The following HOMER2 variants were observed in gnomAD, a reference collection of about 807,000 sequenced individuals.
HOMER2 encodes the protein homer protein homolog 2.
A neutral mutation model predicts 47.0 loss-of-function variants in HOMER2; 27 were observed. That is an observed-to-expected ratio of 0.57 (90% CI 0.42 to 0.79). The LOEUF (loss-of-function observed/expected upper bound fraction) is 0.79. Ranked by LOEUF, HOMER2 falls within the 30% of genes least tolerant of loss-of-function variation. The probability of loss-of-function intolerance (pLI) is 0.00; values close to 1 mark genes in which losing one functional copy is unlikely to be tolerated. For missense variants in HOMER2, 443 were observed against 435.0 expected (o/e 1.02, Z -0.16); for synonymous variants, 161 against 163.8 (o/e 0.98, Z 0.13).
intron 5 of HOMER2, among the ~76,000 whole-genome samples, chr15:82,855,422 A>C (rs2051551730): frequency 6.6e-6 from 1 of 151,202 alleles, no homozygotes; most frequent in South Asian, 2.1e-4. Context: ...GGCCCATCCC[A>C]TCCTCCTTAC....
At chr15:82,925,889 A>C (rs2053842919) in intron 1 of HOMER2, 1 of 148,542 alleles carries the variant, frequency 6.7e-6, no homozygotes, top group Admixed American at 6.7e-5. Flanking sequence ...CCCCCATGAT[A>C]CTCCCCCTCA....
chr15:82,857,336 G>C (rs1015642978), intron 5 of HOMER2, among the ~76,000 whole-genome samples: 6 of 150,170 alleles, frequency 4.0e-5, no homozygotes, highest in African/African-American at 1.5e-4. Context: ...AGAACTGTGA[G>C]AAGTAAAGGT....
chr15:82,945,897 G>C (rs2054368593), intron 1 of HOMER2, among the ~76,000 whole-genome samples: 1 of 151,988 alleles, frequency 6.6e-6, no homozygotes, highest in Non-Finnish European at 1.5e-5. Flanking sequence ...TTGAACCCAA[G>C]AGGCGGAGGT....
chr15:82,960,579 C>T (rs145395179), intron 1 of HOMER2, among the ~76,000 whole-genome samples: 1,648 of 152,286 alleles, frequency 0.011, 17 homozygotes, highest in Middle Eastern at 0.041. Context: ...TAACTCCTTG[C>T]CAGTATACTA....
chr15:82,857,491 C>A (rs151160367), intron 5 of HOMER2, among the ~76,000 whole-genome samples: 27 of 127,468 alleles, frequency 2.1e-4, no homozygotes, highest in Non-Finnish European at 4.6e-5. Context: ...AGTGCAGTGG[C>A]GTGATCTTGG....
intron 1 of HOMER2, among the ~76,000 whole-genome samples, chr15:82,938,695 T>G (rs1457765938): frequency 6.6e-6 from 1 of 152,168 alleles, no homozygotes; most frequent in African/African-American, 2.4e-5. Context: ...CATACTCACT[T>G]ATTAAATGCA....
intron 2 of HOMER2, among the ~76,000 whole-genome samples, chr15:82,879,454 G>A (rs1019027858): frequency 6.6e-5 from 10 of 152,152 alleles, no homozygotes; most frequent in African/African-American, 2.4e-4. Context: ...CCGTGATCGT[G>A]CCACTGTACT....
At position 82,899,487 on chromosome 15, in the gene HOMER2, T is replaced by G. The variant is rs117384501; in HGVS notation, c.6-6646A>C. ...GGAAAAAGGAGATGTGGACAGAAAT[T>G]TTTTCTTGTACATTCTCCCATGCAA... On this transcript the variant is annotated intron_variant, in intron 1 of 8. Transcript: ENST00000450735. Among the ~76,000 whole-genome samples the G allele has an allele frequency of 9.2e-4, 140 of 152,296 alleles. 2 individuals carry two copies. In the East Asian group the frequency reaches 0.023, roughly 25 times the overall value.
At chr15:82,972,411 C>A (rs936555156) in intron 1 of HOMER2, among the ~76,000 whole-genome samples, 1 of 152,160 alleles carries the variant, frequency 6.6e-6, no homozygotes, top group Non-Finnish European at 1.5e-5. Flanking sequence ...GCCATGGCCA[C>A]GTCGGCCATG....
intron 1 of HOMER2, among the ~76,000 whole-genome samples, chr15:82,899,472 G>T (rs1383592934): frequency 6.6e-6 from 1 of 152,220 alleles, no homozygotes; most frequent in Non-Finnish European, 1.5e-5. Flanking sequence ...GGAAAAAGGA[G>T]ATGTGGACAG....
chr15:82,982,396 T>C (rs761255098), intron 1 of HOMER2, among the ~76,000 whole-genome samples: 3 of 152,134 alleles, frequency 2.0e-5, no homozygotes, highest in Admixed American at 2.0e-4. Context: ...TATCAGAGAA[T>C]GAAAAGACAT....
intron 1 of HOMER2, among the ~76,000 whole-genome samples, chr15:82,894,382 A>T (rs180797566): frequency 5.3e-5 from 8 of 152,344 alleles, no homozygotes; most frequent in Admixed American, 5.2e-4. Context: ...AAATCCTTTA[A>T]GTGTTCAAAA....
exon 2 of HOMER2, chr15:82,838,531 G>A (rs1668664910): frequency 1.3e-5 from 2 of 152,404 alleles, no homozygotes; most frequent in Non-Finnish European, 2.9e-5. Flanking sequence ...TGGCTACAGG[G>A]AGGGCCCAGG....
chr15:82,932,012 C>T (rs1469512379), intron 1 of HOMER2, among the ~76,000 whole-genome samples: 3 of 152,222 alleles, frequency 2.0e-5, no homozygotes, highest in Non-Finnish European at 2.9e-5. Flanking sequence ...TCACTAGGAA[C>T]ACACTGGGTG....
chr15:82,866,009 G>A (rs1197534417), intron 3 of HOMER2, among the ~76,000 whole-genome samples: 1 of 152,182 alleles, frequency 6.6e-6, no homozygotes, highest in East Asian at 1.9e-4. Context: ...ACTGTCTAGT[G>A]GAGCTGTGAG....
chr15:82,984,498 T>C (rs891313218), intron 1 of HOMER2, among the ~76,000 whole-genome samples: 8 of 152,224 alleles, frequency 5.3e-5, no homozygotes, highest in East Asian at 1.9e-4. Context: ...TCCACAAACA[T>C]TTATTCAGTG....
Position 82,888,724 on chromosome 15 carries a change from G to A in HOMER2, c.162+3961C>T, listed in dbSNP as rs1335655825. On this transcript the variant is annotated intron_variant, in intron 2 of 8. Transcript: ENST00000450735. ...ACTCCCTGACCCCTTGCGCTTCCCA[G>A]GTGAGGCAATGCCTCGCCCTGCTTC... 1.2e-4 allele frequency among the ~76,000 whole-genome samples: 10 copies of A among 81,842 alleles called. 1 individual carries two copies. Among genetic ancestry groups the A allele is most frequent in the Non-Finnish European group, 1.8e-4 (8 of 43,884 alleles). The allele number at this position is 81,842 out of a possible 152,430, so 53.7% of individuals were successfully genotyped here.
Position 82,923,198 on chromosome 15 carries a change from T to C in HOMER2, c.5+29333A>G, listed in dbSNP as rs189845131. ...CCCTGTAGTGCCTTGATAAAAGAGG[T>C]GCTTGGGCCAGGCGCAGTGGCTCAC... On this transcript the variant is annotated intron_variant, in intron 1 of 8. Coordinates refer to ENST00000450735, the MANE Select transcript of HOMER2 (RefSeq NM_004839.4). Among the ~76,000 whole-genome samples, 377 of 151,972 alleles carry C rather than the reference T, an allele frequency of 2.5e-3. 1 individual carries two copies. Among genetic ancestry groups the C allele is most frequent in the Admixed American group, 7.6e-3 (116 of 15,258 alleles).
intron 1 of HOMER2, among the ~76,000 whole-genome samples, chr15:82,932,247 C>T (rs773896954): frequency 3.9e-5 from 6 of 152,228 alleles, no homozygotes; most frequent in Non-Finnish European, 8.8e-5. Flanking sequence ...GTAATCCCAG[C>T]ACTTTGGGAG....
Sources: allele counts gnomAD v4.1 joint callset (sites outside exome capture counted in the v4.1 genomes callset), GRCh38; gene constraint gnomAD v4.1.1; transcripts MANE v1.5; gene names NCBI Gene and HGNC (gene_info 2026-07-23, HGNC 2026-07-21).